Variants in HCN1 observed in about 807,000 individuals in gnomAD.
HCN1 encodes potassium/sodium hyperpolarization-activated cyclic nucleotide-gated channel 1.
In HCN1, 13 loss-of-function variants were observed where a neutral mutation model predicts 78.9. The ratio of observed to expected loss-of-function variants is 0.16; its 90% confidence interval spans 0.11 to 0.26. HCN1 has a LOEUF of 0.26. Ranked by LOEUF, HCN1 falls within the 10% of genes least tolerant of loss-of-function variation. HCN1 has a pLI of 1.00. For synonymous variants in HCN1, 552 were observed against 455.5 expected, an observed-to-expected ratio of 1.21 and a Z score of -2.70; for missense variants, 810 against 1,154.3, an observed-to-expected ratio of 0.70 and a Z score of 4.32.
chr5:45,314,350 A>T (rs770805656), intron 5 of HCN1, among the ~76,000 whole-genome samples: 5 of 152,172 alleles, frequency 3.3e-5, no homozygotes, highest in African/African-American at 4.8e-5. Flanking sequence ...CCTACAAGAG[A>T]TCCTGAAAGA....
chr5:45,523,405 C>G (rs1742656407), intron 2 of HCN1, among the ~76,000 whole-genome samples: 1 of 151,976 alleles, frequency 6.6e-6, no homozygotes, highest in African/African-American at 2.4e-5. Context: ...AATGGTATTT[C>G]TAGTTCTAGA....
intron 2 of HCN1, among the ~76,000 whole-genome samples, chr5:45,482,511 G>T (rs539543219): frequency 6.6e-6 from 1 of 152,246 alleles, no homozygotes; most frequent in African/African-American, 2.4e-5. Context: ...ACATCTGGGG[G>T]ACTATCAATA....
intron 2 of HCN1, among the ~76,000 whole-genome samples, chr5:45,554,520 G>T (rs868847031): frequency 6.6e-6 from 1 of 151,638 alleles, no homozygotes; most frequent in Non-Finnish European, 1.5e-5. Context: ...TCAACCTAGG[G>T]TTATTATAAT....
intron 4 of HCN1, among the ~76,000 whole-genome samples, chr5:45,382,349 T>C (rs1208161600): frequency 6.6e-6 from 1 of 152,180 alleles, no homozygotes; most frequent in Non-Finnish European, 1.5e-5. Context: ...ACTTGTCATG[T>C]TTAATATGGT....
intron 2 of HCN1, among the ~76,000 whole-genome samples, chr5:45,615,885 CA>C (rs1323178537): frequency 6.6e-6 from 1 of 151,666 alleles, no homozygotes; most frequent in East Asian, 1.9e-4. Context: ...GCTTGAAATG[CA>C]ACAGTTATTC....
At chr5:45,367,487 T>C (rs987308335) in intron 4 of HCN1, among the ~76,000 whole-genome samples, 3 of 151,930 alleles carry the variant, frequency 2.0e-5, no homozygotes, top group Non-Finnish European at 4.4e-5. Context: ...GCTTTGAATT[T>C]GATAGCAACT....
chr5:45,471,134 T>C (rs1027332411), intron 2 of HCN1, among the ~76,000 whole-genome samples: 2 of 151,932 alleles, frequency 1.3e-5, no homozygotes, highest in African/African-American at 4.8e-5. Context: ...ATCAAAACTA[T>C]ATCTTTCCCC....
At chr5:45,538,208 A>G (rs1743010270) in intron 2 of HCN1, among the ~76,000 whole-genome samples, 2 of 152,312 alleles carry the variant, frequency 1.3e-5, no homozygotes, top group East Asian at 3.9e-4. Context: ...ACAATTTAGA[A>G]ATATTAAATT....
At chr5:45,457,436 C>T (rs905769180) in intron 3 of HCN1, among the ~76,000 whole-genome samples, 2 of 151,972 alleles carry the variant, frequency 1.3e-5, no homozygotes, top group South Asian at 4.1e-4. Flanking sequence ...CTGCTATATC[C>T]AAGATTTTCA....
intron 7 of HCN1, among the ~76,000 whole-genome samples, chr5:45,264,869 G>T: frequency 6.6e-6 from 1 of 151,956 alleles, no homozygotes; most frequent in East Asian, 1.9e-4. Flanking sequence ...TATTGATTAC[G>T]AACCATTTCA....
chr5:45,693,783 G>T (rs1050753118), intron 1 of HCN1, among the ~76,000 whole-genome samples: 3 of 151,620 alleles, frequency 2.0e-5, no homozygotes, highest in African/African-American at 7.3e-5. Flanking sequence ...TTTGATAAGG[G>T]ATAGTCCTTT....
chr5:45,678,547 C>T (rs1387201576), intron 1 of HCN1, among the ~76,000 whole-genome samples: 1 of 151,874 alleles, frequency 6.6e-6, no homozygotes, highest in African/African-American at 2.4e-5. Flanking sequence ...TTTAGAGCCT[C>T]CTTCTATTTT....
intron 2 of HCN1, among the ~76,000 whole-genome samples, chr5:45,526,474 A>C (rs569367695): frequency 6.6e-6 from 1 of 151,908 alleles, no homozygotes; most frequent in Admixed American, 6.6e-5. Context: ...TAGGACCTGC[A>C]CTCTCTACCT....
At chr5:45,269,767 G>A (rs1744926530) in intron 6 of HCN1, among the ~76,000 whole-genome samples, 1 of 152,102 alleles carries the variant, frequency 6.6e-6, no homozygotes, top group Non-Finnish European at 1.5e-5. Context: ...AGGGAGGGAT[G>A]TCTCATACCT....
At position 45,262,149 on chromosome 5, in the gene HCN1, G is replaced by T. The variant is rs375360013; in HGVS notation, c.2445C>A (p.Ile815=). Residue 815 remains isoleucine, a synonymous_variant, in exon 8 of 8, where the codon ATC becomes ATA. Transcript: ENST00000303230. Reference sequence around the variant, plus strand: ...CGGGGACCGCCGTCACGGGTTGAGGGATGGAGGCCAGGGACTCGCCCACAG... The same window carrying T: ...CGGGGACCGCCGTCACGGGTTGAGGTATGGAGGCCAGGGACTCGCCCACAG... ...HPTVGESLAS[I]PQPVTAVPGT... 1.7e-5 allele frequency: 27 copies of T among 1,613,652 alleles called. No homozygotes were observed. In the African/African-American group the frequency reaches 3.1e-4, roughly 18 times the overall value.
intron 3 of HCN1, among the ~76,000 whole-genome samples, chr5:45,420,090 T>C (rs954881704): frequency 6.6e-6 from 1 of 152,192 alleles, no homozygotes; most frequent in Non-Finnish European, 1.5e-5. Flanking sequence ...CCATTTATCT[T>C]CTCTAGGCAT....
intron 2 of HCN1, among the ~76,000 whole-genome samples, chr5:45,543,617 T>C (rs1347970624): frequency 6.6e-6 from 1 of 152,132 alleles, no homozygotes; most frequent in African/African-American, 2.4e-5. Flanking sequence ...TCCAGATGTA[T>C]GGCAATCAAT....
chr5:45,629,897 T>A (rs1480762503), intron 2 of HCN1, among the ~76,000 whole-genome samples: 2 of 152,148 alleles, frequency 1.3e-5, no homozygotes, highest in Non-Finnish European at 2.9e-5. Context: ...TTTTGAAACC[T>A]GAAAATTGGT....
At chr5:45,340,951 A>T (rs2111964851) in intron 5 of HCN1, among the ~76,000 whole-genome samples, 1 of 152,332 alleles carries the variant, frequency 6.6e-6, no homozygotes, top group East Asian at 1.9e-4. Context: ...CATTTGGGGC[A>T]TCATTTCCAT....
Sources: allele counts gnomAD v4.1 joint callset (sites outside exome capture counted in the v4.1 genomes callset), GRCh38; gene constraint gnomAD v4.1.1; transcripts MANE v1.5; gene names NCBI Gene and HGNC (gene_info 2026-07-23, HGNC 2026-07-21).